The following GTF3C2 variants were observed in gnomAD, a reference collection of about 807,000 sequenced individuals.
The protein encoded by GTF3C2 is general transcription factor IIIC subunit 2.
GTF3C2 carries 17 observed loss-of-function variants against 117.4 expected under a neutral mutation model. That is an observed-to-expected ratio of 0.14 (90% CI 0.10 to 0.22). The LOEUF (loss-of-function observed/expected upper bound fraction) is 0.22. Among genes scored for constraint, GTF3C2 ranks in the 10% least tolerant of loss-of-function variants. The pLI is 1.00. For synonymous variants in GTF3C2, 437 were observed against 427.0 expected, an observed-to-expected ratio of 1.02 and a Z score of -0.29; for missense variants, 888 against 1,143.6, an observed-to-expected ratio of 0.78 and a Z score of 3.22.
chr2:27,348,280 A>AC (rs1471281099), intron 1 of GTF3C2, among the ~76,000 whole-genome samples: 1 of 151,458 alleles, frequency 6.6e-6, no homozygotes, highest in Non-Finnish European at 1.5e-5. Context: ...GAAAAAAAAA[A>AC]AAAAAACTAG....
intron 1 of GTF3C2, among the ~76,000 whole-genome samples, chr2:27,349,135 C>T (rs995554531): frequency 9.0e-6 from 1 of 111,354 alleles, no homozygotes; most frequent in Non-Finnish European, 1.9e-5. Context: ...CTGTGCCCAG[C>T]CTGATTTGAT....
chr2:27,349,797 C>A (rs1681061219), intron 1 of GTF3C2, among the ~76,000 whole-genome samples: 1 of 151,966 alleles, frequency 6.6e-6, no homozygotes, highest in Non-Finnish European at 1.5e-5. Flanking sequence ...TGCCACCATG[C>A]CTGGCTAACT....
intron 7 of GTF3C2, chr2:27,336,721 A>T: frequency 2.9e-6 from 1 of 340,796 alleles, no homozygotes; most frequent in Non-Finnish European, 5.4e-6. Context: ...TGGTTATCCC[A>T]CCTCAGCCTC....
At chr2:27,356,389 G>C (rs1446890064) in intron 1 of GTF3C2, 1 of 270,926 alleles carries the variant, frequency 3.7e-6, no homozygotes, top group Non-Finnish European at 7.8e-6. Flanking sequence ...GCCTGTGCGG[G>C]AGAGGAGCCC....
intron 1 of GTF3C2, among the ~76,000 whole-genome samples, chr2:27,345,811 T>G (rs1680897815): frequency 6.7e-6 from 1 of 150,342 alleles, no homozygotes; most frequent in African/African-American, 2.4e-5. Flanking sequence ...CCTCCCAGGT[T>G]CAAGCAATTC....
chr2:27,330,698 T>C (rs1405397665), intron 12 of GTF3C2, among the ~76,000 whole-genome samples: 2 of 152,090 alleles, frequency 1.3e-5, no homozygotes, highest in Non-Finnish European at 2.9e-5. Context: ...CGATGGCTCA[T>C]GCCTGTAATC....
chr2:27,349,598 A>G (rs1264542042), intron 1 of GTF3C2, among the ~76,000 whole-genome samples: 1 of 152,194 alleles, frequency 6.6e-6, no homozygotes, highest in African/African-American at 2.4e-5. Context: ...ACAATAGTAA[A>G]GTCGAATTTA....
chr2:27,339,923 G>A (rs1266542751), intron 4 of GTF3C2: 1 of 147,378 alleles, frequency 6.8e-6, no homozygotes, highest in Non-Finnish European at 1.5e-5. Context: ...GGAGGCAGAG[G>A]TTGCAGTGAG....
rs1472206936 is a variant in GTF3C2, at chr2:27,329,833, C to T, written c.1733-310G>A. On this transcript the variant is annotated intron_variant, in intron 12 of 18. Coordinates refer to ENST00000264720, the Ensembl canonical transcript of GTF3C2. This position sits in a 1 kb window ranked among gnomAD's most constrained non-coding sequence, Gnocchi z 4.5. ...CCTCTCTCTACTCCCTATAAATAAA[C>T]GTCAAGGGACTTTTAAAAAGCATAG... Among the ~76,000 whole-genome samples the T allele has an allele frequency of 1.3e-5, 2 of 152,140 alleles. No homozygotes were observed. The highest frequency in any genetic ancestry group is 2.9e-5 in the Non-Finnish European group (2 of 68,026).
intron 10 of GTF3C2, among the ~76,000 whole-genome samples, chr2:27,334,857 C>A (rs905192005): frequency 6.6e-6 from 1 of 152,086 alleles, no homozygotes; most frequent in Non-Finnish European, 1.5e-5. Context: ...ATTGCCCCAG[C>A]TGGTCTCAAA....
intron 12 of GTF3C2, among the ~76,000 whole-genome samples, chr2:27,332,938 T>A (rs1389753682): frequency 6.6e-6 from 1 of 151,554 alleles, no homozygotes; most frequent in Non-Finnish European, 1.5e-5. Flanking sequence ...ATGGTCTCCA[T>A]CTCTTGACCT....
At chr2:27,326,180 G>T (rs1307699276) in exon 19 of GTF3C2, 1 of 471,028 alleles carries the variant, frequency 2.1e-6, no homozygotes, top group African/African-American at 2.0e-5. Flanking sequence ...TCAGTCTCAC[G>T]AATTACTATC....
exon 19 of GTF3C2, chr2:27,326,248 AT>A (rs1394843185): frequency 1.5e-5 from 7 of 474,594 alleles, no homozygotes; most frequent in South Asian, 1.1e-4. Context: ...AGGCAGTAAT[AT>A]TGGATCCTGG....
intron 1 of GTF3C2, among the ~76,000 whole-genome samples, chr2:27,348,093 C>T (rs975432367): frequency 6.6e-6 from 1 of 152,162 alleles, no homozygotes; most frequent in African/African-American, 2.4e-5. Flanking sequence ...CATGGTGAAA[C>T]CCTGTCTCTA....
At chr2:27,339,608 C>T (rs1472590028) in intron 4 of GTF3C2, 2 of 151,932 alleles carry the variant, frequency 1.3e-5, no homozygotes, top group Admixed American at 6.6e-5. Context: ...GCAAGTAAGG[C>T]ACTGGTCTCA....
At chr2:27,328,777 C>A in intron 15 of GTF3C2, 67 bp downstream of exon 15, 1 of 1,201,472 alleles carries the variant, frequency 8.3e-7, no homozygotes, top group Non-Finnish European at 1.2e-6. Flanking sequence ...CTGCCTCTGA[C>A]TACTAATAGT....
At chr2:27,338,211 A>G (rs1248441541) in intron 4 of GTF3C2, 191 bp from the exon 5 acceptor site, 6 of 575,192 alleles carry the variant, frequency 1.0e-5, no homozygotes, top group Non-Finnish European at 1.6e-5. Flanking sequence ...CTACTCCTCC[A>G]TCGAAAATGC....
At chr2:27,355,085 C>T (rs1195277306) in intron 1 of GTF3C2, among the ~76,000 whole-genome samples, 1 of 152,112 alleles carries the variant, frequency 6.6e-6, no homozygotes, top group Non-Finnish European at 1.5e-5. Context: ...TTTATCATAC[C>T]GTTACTGATC....
chr2:27,344,367 T>G (rs745556280), intron 1 of GTF3C2, among the ~76,000 whole-genome samples: 1 of 152,194 alleles, frequency 6.6e-6, no homozygotes, highest in Non-Finnish European at 1.5e-5. Context: ...TGCCAAGCAC[T>G]ATACTAAGTG....
Sources: gnomAD v4.1 joint callset for allele counts (sites outside exome capture counted in the v4.1 genomes callset) on GRCh38, gnomAD v4.1.1 for gene constraint, Gnocchi (gnomAD v3.1) non-coding constraint, MANE v1.5 for transcripts, NCBI Gene and HGNC (gene_info 2026-07-23, HGNC 2026-07-21) for gene names.